The following CELF4 variants were observed in gnomAD, a reference collection of about 807,000 sequenced individuals.
CELF4 encodes the protein CUGBP Elav-like family member 4.
In CELF4, 18 loss-of-function variants were observed where a neutral mutation model predicts 59.9. The ratio of observed to expected loss-of-function variants is 0.30; its 90% CI spans 0.21 to 0.45. CELF4 has a LOEUF of 0.45. Among genes scored for constraint, CELF4 ranks in the 20% least tolerant of loss-of-function variants. The pLI, the probability that CELF4 is intolerant of heterozygous loss-of-function variation, is 1.00. For synonymous variants in CELF4, 261 were observed against 267.1 expected (o/e 0.98, Z 0.22); for missense variants, 456 against 689.0 (o/e 0.66, Z 3.79).
At chr18:37,322,094 GGT>G (rs2097144627) in intron 2 of CELF4, among the ~76,000 whole-genome samples, 1 of 152,246 alleles carries the variant, frequency 6.6e-6, no homozygotes, top group Non-Finnish European at 1.5e-5. Context: ...CTTTCAGGGG[GGT>G]GTCTCTGGAC....
At chr18:37,277,998 C>G (rs1267649621) in intron 3 of CELF4, among the ~76,000 whole-genome samples, 1 of 152,222 alleles carries the variant, frequency 6.6e-6, no homozygotes, top group East Asian at 1.9e-4. Flanking sequence ...TGAATGCATT[C>G]CTTTATTATT....
rs553804261 is a variant in CELF4 at position 37,335,514 on chromosome 18, G to T, written c.370-13633C>A. On this transcript the variant is annotated intron_variant, in intron 2 of 12. Coordinates refer to ENST00000420428, the MANE Select transcript of CELF4 (RefSeq NM_020180.4). Reference sequence around the variant, plus strand: ...GTGTGTGTGTGTGTGTGTGTGTGTGGAGGTGTGGGGGTGAATGGGTGTAGG... The same window carrying T: ...GTGTGTGTGTGTGTGTGTGTGTGTGTAGGTGTGGGGGTGAATGGGTGTAGG... 9.3e-3 allele frequency among the ~76,000 whole-genome samples: 1,386 copies of T among 149,306 alleles called. 28 individuals are homozygous for T. Among genetic ancestry groups the T allele is most frequent in the African/African-American group, 0.033 (1,292 of 39,686 alleles).
chr18:37,401,094 G>A (rs1404721443), intron 2 of CELF4, among the ~76,000 whole-genome samples: 1 of 152,216 alleles, frequency 6.6e-6, no homozygotes, highest in Non-Finnish European at 1.5e-5. Context: ...AGAGAGCTGT[G>A]AGGCAGGGCC....
At chr18:37,316,636 C>T (rs1213933181) in intron 3 of CELF4, among the ~76,000 whole-genome samples, 1 of 152,114 alleles carries the variant, frequency 6.6e-6, no homozygotes, top group Non-Finnish European at 1.5e-5. Context: ...CAGCTCTCCA[C>T]CTCTTGATCT....
chr18:37,292,922 CTTA>C (rs1400662968), intron 3 of CELF4, among the ~76,000 whole-genome samples: 2 of 152,172 alleles, frequency 1.3e-5, no homozygotes, highest in Non-Finnish European at 2.9e-5. Context: ...TGTAATAAAA[CTTA>C]TTATGATGGA....
At chr18:37,357,472 C>T (rs1258352668) in intron 2 of CELF4, among the ~76,000 whole-genome samples, 3 of 152,166 alleles carry the variant, frequency 2.0e-5, no homozygotes, top group South Asian at 2.1e-4. Flanking sequence ...GATGCCCAGG[C>T]GGAAGTTTGC....
At chr18:37,425,765 C>A (rs1171127872) in intron 2 of CELF4, among the ~76,000 whole-genome samples, 1 of 152,244 alleles carries the variant, frequency 6.6e-6, no homozygotes, top group Non-Finnish European at 1.5e-5. Context: ...ACTACAGCTG[C>A]TTGGCGAAAG....
intron 1 of CELF4, among the ~76,000 whole-genome samples, chr18:37,490,269 C>G (rs542390633): frequency 6.6e-6 from 1 of 151,692 alleles, no homozygotes; most frequent in Non-Finnish European, 1.5e-5. Flanking sequence ...ACAGGGAGTA[C>G]GGGGTGGGGA....
intron 1 of CELF4, among the ~76,000 whole-genome samples, chr18:37,490,799 C>T (rs2099900651): frequency 6.6e-6 from 1 of 152,154 alleles, no homozygotes; most frequent in Non-Finnish European, 1.5e-5. Context: ...GGTAGAGCCA[C>T]CCAAGTGATC....
At chr18:37,283,922 C>CATCAACACATAACTATGCACCCCA (rs373155219) in intron 3 of CELF4, among the ~76,000 whole-genome samples, 1 of 80,512 alleles carries the variant, frequency 1.2e-5, no homozygotes, top group Non-Finnish European at 2.8e-5. Context: ...CATACACACA[C>CATCAACACATAACTATGCACCCCA]ACACACACCA....
intron 1 of CELF4, among the ~76,000 whole-genome samples, chr18:37,526,484 G>A (rs2099963943): frequency 1.3e-5 from 2 of 152,108 alleles, no homozygotes; most frequent in South Asian, 4.2e-4. Flanking sequence ...TCCTATAGGG[G>A]CCAGAAAGGT....
intron 2 of CELF4, among the ~76,000 whole-genome samples, chr18:37,439,535 T>A (rs909807245): frequency 1.3e-4 from 20 of 152,152 alleles, no homozygotes; most frequent in African/African-American, 4.8e-4. Flanking sequence ...CCTCTGACAC[T>A]GTGTGCCTTC....
chr18:37,321,906 C>T, intron 2 of CELF4, 25 bp from the exon 3 acceptor site: 1 of 1,598,378 alleles, frequency 6.3e-7, no homozygotes, highest in Non-Finnish European at 8.6e-7. Context: ...AGGGGGACAG[C>T]ATTATAGCAG....
chr18:37,287,575 C>T (rs1207633338), intron 3 of CELF4, among the ~76,000 whole-genome samples: 1 of 152,244 alleles, frequency 6.6e-6, no homozygotes, highest in African/African-American at 2.4e-5. Flanking sequence ...CCCCTCCATC[C>T]ACCAGCCAGC....
intron 3 of CELF4, among the ~76,000 whole-genome samples, chr18:37,292,983 T>C (rs2095431250): frequency 6.6e-6 from 1 of 152,208 alleles, no homozygotes; most frequent in Admixed American, 6.5e-5. Flanking sequence ...AACCCTCTCA[T>C]AGGCAAAACT....
At chr18:37,504,970 C>T (rs756362265) in intron 1 of CELF4, among the ~76,000 whole-genome samples, 6 of 152,236 alleles carry the variant, frequency 3.9e-5, no homozygotes, top group African/African-American at 9.6e-5. Context: ...GGCCAGAGCA[C>T]GGGAAGGCCA....
At chr18:37,464,117 G>A (rs999974011) in intron 2 of CELF4, among the ~76,000 whole-genome samples, 7 of 152,210 alleles carry the variant, frequency 4.6e-5, no homozygotes, top group Non-Finnish European at 8.8e-5. Context: ...GAACGGTAAC[G>A]GGAAAGCTGC....
At chr18:37,524,311 A>G (rs1380136298) in intron 1 of CELF4, among the ~76,000 whole-genome samples, 5 of 152,156 alleles carry the variant, frequency 3.3e-5, no homozygotes, top group Admixed American at 6.5e-5. Context: ...TGAGGGTGAC[A>G]AGGTGGAAGA....
chr18:37,512,912 C>T (rs1031513086), intron 1 of CELF4, among the ~76,000 whole-genome samples: 2 of 152,052 alleles, frequency 1.3e-5, no homozygotes, highest in Admixed American at 6.6e-5. Flanking sequence ...ACCCTTCTCC[C>T]GGGAGTTCTG....
Sources: allele counts gnomAD v4.1 joint callset (sites outside exome capture counted in the v4.1 genomes callset), GRCh38; gene constraint gnomAD v4.1.1; transcripts MANE v1.5; gene names NCBI Gene and HGNC (gene_info 2026-07-23, HGNC 2026-07-21).